Variants in RCE1 observed in about 807,000 individuals in gnomAD.
The protein encoded by RCE1 is CAAX prenyl protease 2.
In RCE1, 15 loss-of-function variants were observed where a neutral mutation model predicts 35.0. The ratio of observed to expected loss-of-function variants is 0.43; its 90% CI spans 0.29 to 0.66. RCE1 has a LOEUF of 0.66. RCE1 is among the 30% of genes least tolerant of loss of function. The probability of loss-of-function intolerance (pLI) is 0.17; values close to 1 mark genes in which losing one functional copy is unlikely to be tolerated. For synonymous variants in RCE1, 261 were observed against 192.7 expected (o/e 1.35, Z -2.94); for missense variants, 434 against 433.0 (o/e 1.00, Z -0.02).
In RCE1 at chr11:66,845,538, A is replaced by G. The variant is rs773942787; in HGVS notation, c.730A>G (p.Thr244Ala). The G allele has an allele frequency of 1.2e-6, 2 of 1,614,136 alleles. No homozygotes were observed. Among genetic ancestry groups the G allele is most frequent in the Non-Finnish European group, 1.7e-6 (2 of 1,180,026 alleles). ...CTACACAGCTGTCTTCGGTGCCTAC[A>G]CTGCTTTCCTCTTCATCCGCACAGG... ...FSYTAVFGAY[T>A]AFLFIRTGHL... The change falls in exon 7 of 8, where the codon ACT (threonine) becomes GCT (alanine). Residue 244 changes from threonine to alanine, a missense_variant. By Grantham distance (58) the Thr-to-Ala change is moderately conservative (BLOSUM62 0). Transcript: ENST00000309657.
intron 6 of RCE1, 111 bp downstream of exon 6, chr11:66,845,348 G>A (rs1466822093): frequency 1.2e-5 from 19 of 1,583,722 alleles, no homozygotes; most frequent in African/African-American, 5.4e-5. Flanking sequence ...GCCACTGACC[G>A]TGGGAAGTTG....
rs925021602 is a variant in RCE1 at position 66,846,456 on chromosome 11, C to T, written c.*361C>T. ...CTCCCCACCCCCCACCCCCCAACTT[C>T]CTGGGTTTTCTCATTGTCTTTTTGC... On this transcript the variant is annotated 3_prime_UTR_variant, in exon 8 of 8. Coordinates refer to ENST00000309657, the MANE Select transcript of RCE1 (RefSeq NM_005133.3). The T allele has an allele frequency of 6.0e-6, 1 of 166,348 alleles. No homozygotes were observed. Among genetic ancestry groups the T allele is most frequent in the East Asian group, 1.9e-4 (1 of 5,218 alleles). The allele number at this position is 166,348 out of a possible 1,614,324, so 10.3% of individuals were successfully genotyped here. A position where few individuals can be genotyped will look rare whatever the true frequency, so the allele number is the denominator to read the frequency against.
In RCE1 at chr11:66,844,893, T is replaced by C; in HGVS notation, c.476T>C (p.Leu159Pro). The C allele has an allele frequency of 6.4e-7, 1 of 1,564,260 alleles. No homozygotes were observed. Among genetic ancestry groups the C allele is most frequent in the Non-Finnish European group, 8.6e-7 (1 of 1,156,808 alleles). Residue 159 changes from leucine (L) to proline (P), a missense_variant, in exon 5 of 8, where the codon CTC becomes CCC. Physicochemically the swap from Leu to Pro is moderately conservative, Grantham distance 98. Transcript: ENST00000309657. ...VLAPRSWARC[L>P]TDMRWLRNQV... ...GCCCCCCGCTCCTGGGCCCGCTGCC[T>C]CACAGACATGCGTTGGCTGCGGAAC...
chr11:66,844,720 T>C (rs1945169810), intron 4 of RCE1, 149 bp from the exon 5 acceptor site: 4 of 1,170,462 alleles, frequency 3.4e-6, no homozygotes, highest in Admixed American at 6.1e-5. Flanking sequence ...ATTGGGTTTA[T>C]GTTGGGTCCA....
intron 2 of RCE1, 42 bp downstream of exon 2, chr11:66,843,903 C>T: frequency 6.2e-7 from 1 of 1,613,956 alleles, no homozygotes; most frequent in Non-Finnish European, 8.5e-7. Flanking sequence ...GGTGAGAGCT[C>T]AGGGGTCTTT....
In RCE1 at chr11:66,846,053, T is replaced by C; in HGVS notation, c.948T>C (p.Leu316=). The C allele has an allele frequency of 6.2e-7, 1 of 1,613,420 alleles. No homozygotes were observed. The highest frequency in any genetic ancestry group is 8.5e-7 in the Non-Finnish European group (1 of 1,179,950). Residue 316 remains leucine (L), a synonymous_variant, in exon 8 of 8, where the codon CTT becomes CTC. Transcript: ENST00000309657. ...ACGGCAGCCTTCCCCTTTGTGTGCT[T>C]TTGGAGCGGGCAGGGGACTCAGAGG... The part of the protein sequence containing the change: ...KLYGSLPLCV[L]LERAGDSEAP...
In RCE1 at chr11:66,843,493, C is replaced by T. The variant is rs1445599706; in HGVS notation, c.38C>T (p.Ser13Leu). 5 of 1,481,680 alleles carry T rather than the reference C, an allele frequency of 3.4e-6. No homozygotes were observed. Among genetic ancestry groups the T allele is most frequent in the Non-Finnish European group, 4.4e-6 (5 of 1,127,060 alleles). 91.8% of individuals were successfully genotyped at this position (1,481,680 alleles called of 1,614,324 possible). A position where few individuals can be genotyped will look rare whatever the true frequency, so the allele number is the denominator to read the frequency against. The change falls in exon 1 of 8, where the codon TCG (serine) becomes TTG (leucine). Residue 13 changes from serine to leucine, a missense_variant. Transcript: ENST00000309657. Reference protein sequence around the residue: ...ALGGDGLRLLSVSRPERPPES... With the variant: ...ALGGDGLRLLLVSRPERPPES... The stretch of plus-strand genomic sequence containing the variant: ...GGCGGGGATGGGCTGCGACTGCTGT[C>T]GGTGTCGCGGCCGGAGCGGCCGCCC...
rs777347014 is a variant in RCE1 at position 66,846,046 on chromosome 11, G to T, written c.941G>T (p.Cys314Phe). Residue 314 changes from cysteine (C) to phenylalanine (F), a missense_variant, in exon 8 of 8, where the codon TGT (cysteine) becomes TTT (phenylalanine). Transcript: ENST00000309657. ...AAGCTCTACGGCAGCCTTCCCCTTT[G>T]TGTGCTTTTGGAGCGGGCAGGGGAC... ...DPKLYGSLPL[C>F]VLLERAGDSE... 1 of 1,613,602 alleles carries T rather than the reference G, an allele frequency of 6.2e-7. No individual in the cohort carries two copies. Among genetic ancestry groups the T allele is most frequent in the Non-Finnish European group, 8.5e-7 (1 of 1,179,998 alleles).
At position 66,843,507 on chromosome 11, in the gene RCE1, G is replaced by A. The variant is rs111716594; in HGVS notation, c.52G>A (p.Glu18Lys). The change falls in exon 1 of 8, where the codon GAG becomes AAG. Residue 18 changes from glutamate to lysine, a missense_variant. Coordinates refer to ENST00000309657, the MANE Select transcript of RCE1 (RefSeq NM_005133.3). ...GCGACTGCTGTCGGTGTCGCGGCCG[G>A]AGCGGCCGCCCGAGTCGGCGGCGCT... Reference protein sequence around the residue: ...GLRLLSVSRPERPPESAALGG... With the variant: ...GLRLLSVSRPKRPPESAALGG... 2 of 1,493,336 alleles carry A rather than the reference G, an allele frequency of 1.3e-6. No individual in the cohort carries two copies. Among genetic ancestry groups the A allele is most frequent in the South Asian group, 1.3e-5 (1 of 79,906 alleles). The allele number at this position is 1,493,336 out of a possible 1,614,324, so 92.5% of individuals were successfully genotyped here.
intron 3 of RCE1, 93 bp downstream of exon 3, chr11:66,844,132 G>GA: frequency 6.3e-7 from 1 of 1,598,658 alleles, no homozygotes; most frequent in South Asian, 1.1e-5. Context: ...TGGTTGATGG[G>GA]AGACAGGACT....
intron 7 of RCE1, 109 bp from the exon 8 acceptor site, chr11:66,845,751 G>GTGGGT: frequency 6.7e-7 from 1 of 1,481,990 alleles, no homozygotes; most frequent in Non-Finnish European, 9.1e-7. Context: ...GTGGATGGCT[G>GTGGGT]GGGTAGTGGG....
chr11:66,843,470 C>G lies in RCE1; in HGVS notation c.15C>G (p.Gly5=), dbSNP rs990948311. 6.3e-6 allele frequency: 9 copies of G among 1,424,952 alleles called. No individual in the cohort carries two copies. Among genetic ancestry groups the G allele is most frequent in the African/African-American group, 1.5e-5 (1 of 65,586 alleles). 88.3% of individuals were successfully genotyped at this position (1,424,952 alleles called of 1,614,324 possible). ...GTCAGGGCGCAATGGCGGCGCTGGGCGGGGATGGGCTGCGACTGCTGTCGG... is the reference window on the plus strand; with the variant it reads ...GTCAGGGCGCAATGGCGGCGCTGGGGGGGGATGGGCTGCGACTGCTGTCGG... MAAL[G]GDGLRLLSVS... Residue 5 remains glycine (G), a synonymous_variant, in exon 1 of 8, where the codon GGC becomes GGG. Transcript: ENST00000309657.
At chr11:66,843,705 G>T (rs1945139143) in intron 1 of RCE1, 54 bp from the exon 2 acceptor site, 2 of 1,605,404 alleles carry the variant, frequency 1.2e-6, no homozygotes, top group Admixed American at 1.7e-5. Flanking sequence ...GCCGGGGGCG[G>T]GTCCGTGCTC....
chr11:66,844,172 G>A (rs1945156500), intron 3 of RCE1, 114 bp from the exon 4 acceptor site: 1 of 1,589,664 alleles, frequency 6.3e-7, no homozygotes, highest in Non-Finnish European at 8.6e-7. Context: ...CCTCCGGTAT[G>A]CATGGTCTGG....
At position 66,846,407 on chromosome 11, in the gene RCE1, C is replaced by G; in HGVS notation, c.*312C>G. 1 of 266,698 alleles carries G rather than the reference C, an allele frequency of 3.7e-6. No individual in the cohort carries two copies. Among genetic ancestry groups the G allele is most frequent in the Non-Finnish European group, 7.1e-6 (1 of 140,966 alleles). The allele number at this position is 266,698 out of a possible 1,614,324, so 16.5% of individuals were successfully genotyped here. On this transcript the variant is annotated 3_prime_UTR_variant, in exon 8 of 8. Transcript: ENST00000309657. Reference sequence around the variant, plus strand: ...GCTCCTCTGCCTCTGAAAAGCTGCTCGGGGTTTTTTATTTATAAAACCTCT... The same window carrying G: ...GCTCCTCTGCCTCTGAAAAGCTGCTGGGGGTTTTTTATTTATAAAACCTCT...
Position 66,843,490 on chromosome 11 carries a change from T to A in RCE1, c.35T>A (p.Leu12Gln). The A allele has an allele frequency of 6.8e-7, 1 of 1,479,168 alleles. No homozygotes were observed. Among genetic ancestry groups the A allele is most frequent in the East Asian group, 2.8e-5 (1 of 35,944 alleles). The allele number at this position is 1,479,168 out of a possible 1,614,324, so 91.6% of individuals were successfully genotyped here. A position where few individuals can be genotyped will look rare whatever the true frequency, so the allele number is the denominator to read the frequency against. ...CTGGGCGGGGATGGGCTGCGACTGC[T>A]GTCGGTGTCGCGGCCGGAGCGGCCG... The part of the protein sequence containing the change: ...AALGGDGLRL[L>Q]SVSRPERPPE... The change falls in exon 1 of 8, where the codon CTG becomes CAG. Residue 12 changes from leucine to glutamine, a missense_variant. By Grantham distance (113) the Leu-to-Gln change is moderately radical. Coordinates refer to ENST00000309657, the MANE Select transcript of RCE1 (RefSeq NM_005133.3).
At chr11:66,844,391 G>T (rs1337366627) in intron 4 of RCE1, 27 bp downstream of exon 4, 3 of 1,613,844 alleles carry the variant, frequency 1.9e-6, no homozygotes, top group Non-Finnish European at 2.5e-6. Flanking sequence ...GAAGGGAAAA[G>T]TAGGCACAGG....
chr11:66,845,312 G>C, intron 6 of RCE1, 75 bp downstream of exon 6: 1 of 1,606,350 alleles, frequency 6.2e-7, no homozygotes, highest in Non-Finnish European at 8.5e-7. Flanking sequence ...AAGGAATTGG[G>C]AACTGAGGGC....
chr11:66,844,095 G>A (rs1056612189), intron 3 of RCE1, 56 bp downstream of exon 3: 5 of 1,612,822 alleles, frequency 3.1e-6, no homozygotes, highest in Non-Finnish European at 4.2e-6. Flanking sequence ...CTGATGGGCA[G>A]TGCCGTGGAC....
Sources: gnomAD v4.1 joint callset for allele counts on GRCh38, gnomAD v4.1.1 for gene constraint, MANE v1.5 for transcripts, NCBI Gene and HGNC (gene_info 2026-07-23, HGNC 2026-07-21) for gene names.